SIN3A: variants seen among roughly 807,000 people sequenced by gnomAD.
The protein encoded by SIN3A is paired amphipathic helix protein Sin3a.
In SIN3A, 14 loss-of-function variants were observed where a neutral mutation model predicts 146.1. The observed-to-expected ratio is 0.10, with a 90% CI of 0.06 to 0.15. The LOEUF (loss-of-function observed/expected upper bound fraction) is 0.15. Ranked by LOEUF, SIN3A falls within the 10% of genes least tolerant of loss-of-function variation. SIN3A has a pLI of 1.00. For missense variants in SIN3A, 1,028 were observed against 1,576.0 expected (o/e 0.65, Z 5.89); for synonymous variants, 572 against 572.0 (o/e 1.00, Z 0.00).
At chr15:75,433,397 T>A (rs565214717) in intron 1 of SIN3A, among the ~76,000 whole-genome samples, 1 of 152,312 alleles carries the variant, frequency 6.6e-6, no homozygotes, top group South Asian at 2.1e-4. Flanking sequence ...TATTCTGATA[T>A]CATACTCTAT....
intron 1 of SIN3A, among the ~76,000 whole-genome samples, chr15:75,446,782 T>C (rs1002236269): frequency 6.6e-6 from 1 of 152,096 alleles, no homozygotes; most frequent in Non-Finnish European, 1.5e-5. Flanking sequence ...TATCCTTTTT[T>C]TTTTCTTTTG....
At chr15:75,441,179 G>A (rs1370521473) in intron 1 of SIN3A, among the ~76,000 whole-genome samples, 3 of 151,792 alleles carry the variant, frequency 2.0e-5, no homozygotes, top group Admixed American at 6.6e-5. Context: ...GCATGGTGGC[G>A]TGTGCCTATA....
chr15:75,371,856 C>A lies in SIN3A; in HGVS notation c.*123G>T. 1 of 833,534 alleles carries A rather than the reference C, an allele frequency of 1.2e-6. No individual in the cohort carries two copies. Among genetic ancestry groups the A allele is most frequent in the Non-Finnish European group, 1.9e-6 (1 of 521,212 alleles). The allele number at this position is 833,534 out of a possible 1,614,324, so 51.6% of individuals were successfully genotyped here. ...CACCAGCCACACACAGGTCAGGTGGCCATGTCCCAGAGAGGCCCAGTGAGG... is the reference window on the plus strand; with the variant it reads ...CACCAGCCACACACAGGTCAGGTGGACATGTCCCAGAGAGGCCCAGTGAGG... On this transcript the variant is annotated 3_prime_UTR_variant, in exon 21 of 21. Transcript: ENST00000394947.
At chr15:75,451,265 T>TCCGCCCC (rs2074402431) in intron 1 of SIN3A, 158 bp downstream of exon 1, 1 of 53,726 alleles carries the variant, frequency 1.9e-5, no homozygotes, top group Non-Finnish European at 3.4e-5. Context: ...GCTACCCCGC[T>TCCGCCCC]CCGCCCCCCA....
chr15:75,390,933 A>G (rs1201493425), intron 15 of SIN3A, among the ~76,000 whole-genome samples: 4 of 152,176 alleles, frequency 2.6e-5, no homozygotes, highest in African/African-American at 4.8e-5. Context: ...AAAACGAACT[A>G]TTTGTCACTG....
chr15:75,411,858 G>A (rs2073646663), intron 5 of SIN3A, 115 bp from the exon 6 acceptor site: 2 of 1,157,798 alleles, frequency 1.7e-6, no homozygotes, highest in Non-Finnish European at 2.4e-6. Context: ...ACTCACTCAG[G>A]CCAGGTCATT....
At chr15:75,432,669 G>T (rs1000440782) in intron 1 of SIN3A, among the ~76,000 whole-genome samples, 6 of 127,114 alleles carry the variant, frequency 4.7e-5, no homozygotes, top group African/African-American at 1.9e-4. Context: ...CTGGGCAACA[G>T]ACTGAGACTC....
chr15:75,425,658 T>C (rs2073912690), intron 2 of SIN3A, among the ~76,000 whole-genome samples: 1 of 152,240 alleles, frequency 6.6e-6, no homozygotes, highest in South Asian at 2.1e-4. Flanking sequence ...TCTATATCTA[T>C]TTCAAGAAAT....
chr15:75,400,004 A>G (rs1203824511), intron 12 of SIN3A, 36 bp downstream of exon 12: 1 of 1,191,348 alleles, frequency 8.4e-7, no homozygotes, highest in South Asian at 1.2e-5. Flanking sequence ...AGCATCTCCC[A>G]TTTCCCCCAA....
intron 12 of SIN3A, among the ~76,000 whole-genome samples, 197 bp downstream of exon 12, chr15:75,399,843 C>CT (rs1197407542): frequency 3.3e-5 from 5 of 152,180 alleles, no homozygotes; most frequent in Admixed American, 3.3e-4. Flanking sequence ...CTAGATAAGT[C>CT]ACATTTGCCA....
chr15:75,374,274 T>G (rs896792518), intron 20 of SIN3A, among the ~76,000 whole-genome samples: 2 of 152,114 alleles, frequency 1.3e-5, no homozygotes, highest in Admixed American at 1.3e-4. Flanking sequence ...GGAGGGTGGA[T>G]CACTTGAGGT....
chr15:75,382,113 G>A (rs568774579), intron 17 of SIN3A, among the ~76,000 whole-genome samples: 5 of 152,296 alleles, frequency 3.3e-5, no homozygotes, highest in South Asian at 2.1e-4. Context: ...CATGGAGAAG[G>A]TCAGAGCCTG....
At chr15:75,422,932 A>G (rs2073863460) in intron 2 of SIN3A, 109 bp from the exon 3 acceptor site, 1 of 1,161,468 alleles carries the variant, frequency 8.6e-7, no homozygotes, top group Admixed American at 2.4e-5. Flanking sequence ...GGAAACCCAA[A>G]TTTCTGCTGG....
intron 3 of SIN3A, among the ~76,000 whole-genome samples, chr15:75,414,981 A>C (rs2073706583): frequency 6.6e-6 from 1 of 152,210 alleles, no homozygotes; most frequent in Admixed American, 6.5e-5. Context: ...AAAAGTAACA[A>C]AATGAGACAG....
At chr15:75,393,194 A>G (rs1279694096) in intron 14 of SIN3A, among the ~76,000 whole-genome samples, 1 of 152,166 alleles carries the variant, frequency 6.6e-6, no homozygotes, top group African/African-American at 2.4e-5. Flanking sequence ...GTACTACTGC[A>G]CTCCAGCCTG....
intron 1 of SIN3A, among the ~76,000 whole-genome samples, chr15:75,435,767 T>C (rs72732840): frequency 2.9e-3 from 438 of 151,682 alleles, no homozygotes; most frequent in Non-Finnish European, 5.3e-3. Flanking sequence ...CTCATGTATG[T>C]ATATATACAC....
At chr15:75,423,546 C>T (rs1230999300) in intron 2 of SIN3A, among the ~76,000 whole-genome samples, 5 of 151,952 alleles carry the variant, frequency 3.3e-5, no homozygotes, top group African/African-American at 9.7e-5. Flanking sequence ...GGCGTGTTGG[C>T]GGGCACCTAC....
chr15:75,419,825 AAAAAAAC>A (rs933921292), intron 3 of SIN3A: 2 of 152,066 alleles, frequency 1.3e-5, no homozygotes, highest in African/African-American at 4.8e-5. Context: ...ACTCTGTCTC[AAAAAAAC>A]AAAAAAGTAA....
At chr15:75,454,319 G>C (rs943558940), upstream of SIN3A, among the ~76,000 whole-genome samples, 2 of 152,194 alleles carry the variant, frequency 1.3e-5, no homozygotes, top group African/African-American at 4.8e-5. Context: ...AGAGCCGGAG[G>C]TGGGTGGGAG....
Sources: allele counts gnomAD v4.1 joint callset (sites outside exome capture counted in the v4.1 genomes callset), GRCh38; gene constraint gnomAD v4.1.1; transcripts MANE v1.5; gene names NCBI Gene and HGNC (gene_info 2026-07-23, HGNC 2026-07-21).